OSBPL9: variants seen among roughly 807,000 people sequenced by gnomAD.
OSBPL9 encodes the protein oxysterol binding protein like 9.
Under a neutral mutation model 106.6 loss-of-function variants are expected in OSBPL9, and 40 were observed. That is an observed-to-expected ratio of 0.38 (90% confidence interval 0.29 to 0.49). The LOEUF (loss-of-function observed/expected upper bound fraction) is 0.49. Among genes scored for constraint, OSBPL9 ranks in the 20% least tolerant of loss-of-function variants. OSBPL9 has a pLI of 0.97. For missense variants in OSBPL9, 609 were observed against 887.2 expected, an observed-to-expected ratio of 0.69 and a Z score of 3.98; for synonymous variants, 269 against 295.4, an observed-to-expected ratio of 0.91 and a Z score of 0.92.
At chr1:51,764,120 C>T (rs1672083754) in intron 11 of OSBPL9, among the ~76,000 whole-genome samples, 1 of 152,114 alleles carries the variant, frequency 6.6e-6, no homozygotes, top group African/African-American at 2.4e-5. Flanking sequence ...CTCCACTTTT[C>T]TTTCCCTTAC....
intron 1 of OSBPL9, among the ~76,000 whole-genome samples, chr1:51,640,854 G>C (rs1645745910): frequency 6.6e-6 from 1 of 151,224 alleles, no homozygotes; most frequent in Non-Finnish European, 1.5e-5. Context: ...CTGGAGTGCA[G>C]TGCATTGTAA....
Position 51,784,501 on chromosome 1 carries a change from A to G in OSBPL9, c.1748A>G (p.Lys583Arg), listed in dbSNP as rs1301882524. The part of the protein sequence containing the change: ...LGGECNINCS[K>R]TGYSANIIFH... ...GGAGAATGCAATATTAATTGTTCCA[A>G]AACAGGCTATAGTGCAAATATCATC... The change falls in exon 20 of 24, where the codon AAA (lysine) becomes AGA (arginine). Residue 583 changes from lysine to arginine, a missense_variant. Physicochemically the swap from Lys to Arg is conservative, Grantham distance 26 (BLOSUM62 2). This residue lies in a region of OSBPL9 where 19 missense variants were observed against 60.9 expected (regional missense o/e 0.31). Transcript: ENST00000428468. The G allele has an allele frequency of 6.2e-7, 1 of 1,613,828 alleles. No homozygotes were observed. The highest frequency in any genetic ancestry group is 2.2e-5 in the East Asian group (1 of 44,878).
chr1:51,767,243 A>G (rs1672752372), intron 12 of OSBPL9, among the ~76,000 whole-genome samples: 1 of 151,088 alleles, frequency 6.6e-6, no homozygotes, highest in Non-Finnish European at 1.5e-5. Flanking sequence ...AAATACAAAA[A>G]TTAGCTGAGT....
At chr1:51,662,741 A>ATTT (rs758385465) in intron 2 of OSBPL9, among the ~76,000 whole-genome samples, 6 of 143,310 alleles carry the variant, frequency 4.2e-5, no homozygotes, top group African/African-American at 1.4e-4. Context: ...AAAATCAACG[A>ATTT]ATTTTTTTTT....
chr1:51,593,676 C>T (rs559931573), intron 1 of OSBPL9, among the ~76,000 whole-genome samples: 12 of 152,270 alleles, frequency 7.9e-5, no homozygotes, highest in Admixed American at 4.6e-4. Flanking sequence ...TCCCACCTTC[C>T]TCTGTAGCAC....
chr1:51,708,639 T>C (rs1208935187), intron 3 of OSBPL9, among the ~76,000 whole-genome samples: 1 of 152,212 alleles, frequency 6.6e-6, no homozygotes, highest in African/African-American at 2.4e-5. Context: ...CATTTAATTA[T>C]TGATTTTTTA....
intron 3 of OSBPL9, among the ~76,000 whole-genome samples, chr1:51,712,410 G>T (rs1426435666): frequency 6.6e-6 from 1 of 151,952 alleles, no homozygotes; most frequent in Admixed American, 6.6e-5. Context: ...GGGAGACCGT[G>T]GGGAGAGGGA....
At chr1:51,774,162 T>G (rs972694959) in intron 14 of OSBPL9, among the ~76,000 whole-genome samples, 2 of 152,142 alleles carry the variant, frequency 1.3e-5, no homozygotes, top group African/African-American at 2.4e-5. Flanking sequence ...AGCCCACAGC[T>G]GAACCTGAAC....
chr1:51,710,567 C>T (rs534987261), intron 3 of OSBPL9, among the ~76,000 whole-genome samples: 60 of 152,222 alleles, frequency 3.9e-4, no homozygotes, highest in African/African-American at 1.4e-3. Flanking sequence ...GAGCATCTGC[C>T]GATAGCAGAT....
intron 4 of OSBPL9, among the ~76,000 whole-genome samples, chr1:51,735,347 C>T (rs1042912489): frequency 6.6e-6 from 1 of 152,202 alleles, no homozygotes; most frequent in African/African-American, 2.4e-5. Context: ...GCCCTACTCT[C>T]ACTTCTGTGG....
upstream of OSBPL9, among the ~76,000 whole-genome samples, chr1:51,575,316 T>C (rs1645176636): frequency 6.6e-6 from 1 of 151,976 alleles, no homozygotes; most frequent in African/African-American, 2.4e-5. Flanking sequence ...TTCTCCTGCC[T>C]TAGACTCCTG....
chr1:51,641,570 C>G (rs915085969), intron 1 of OSBPL9, among the ~76,000 whole-genome samples: 2 of 152,080 alleles, frequency 1.3e-5, no homozygotes, highest in African/African-American at 4.8e-5. Flanking sequence ...ATTTCTTACC[C>G]TGGGAAAATA....
At chr1:51,762,494 TTTTG>T (rs773697438) in intron 11 of OSBPL9, among the ~76,000 whole-genome samples, 17 of 152,022 alleles carry the variant, frequency 1.1e-4, no homozygotes, top group South Asian at 2.1e-4. Context: ...TATTACAGAG[TTTTG>T]TTTGTTTGTT....
At chr1:51,631,558 A>G (rs897830976) in intron 1 of OSBPL9, among the ~76,000 whole-genome samples, 1 of 151,908 alleles carries the variant, frequency 6.6e-6, no homozygotes, top group Non-Finnish European at 1.5e-5. Context: ...AAAAAAAAAG[A>G]CCAACCTTAG....
At chr1:51,530,040 G>A in the OSBPL9 span, among the ~76,000 whole-genome samples, 2 of 151,112 alleles carry the variant, frequency 1.3e-5, no homozygotes, top group Admixed American at 6.6e-5. Flanking sequence ...GTGTGGTGGC[G>A]GGCGCCTGTA....
At chr1:51,614,395 C>T (rs989897207), upstream of OSBPL9, 3 of 152,346 alleles carry the variant, frequency 2.0e-5, no homozygotes, top group Middle Eastern at 3.4e-3. Flanking sequence ...CTCAAGCAAT[C>T]CTCCTGCCTC....
At chr1:51,578,034 A>G (rs1285153446) in intron 1 of OSBPL9, among the ~76,000 whole-genome samples, 2 of 152,216 alleles carry the variant, frequency 1.3e-5, no homozygotes, top group Non-Finnish European at 2.9e-5. Context: ...TAATTTGAGT[A>G]ATGTCTGTCT....
At chr1:51,776,371 G>A (rs1675076456) in intron 14 of OSBPL9, among the ~76,000 whole-genome samples, 2 of 152,126 alleles carry the variant, frequency 1.3e-5, no homozygotes, top group Admixed American at 6.6e-5. Flanking sequence ...CATTAATAAT[G>A]GGACAATTAA....
chr1:51,707,353 G>A (rs567581839), intron 3 of OSBPL9: 88 of 180,796 alleles, frequency 4.9e-4, no homozygotes, highest in African/African-American at 2.0e-3. Context: ...GCCCTCTGGT[G>A]CCTGCTTCAA....
Sources: gnomAD v4.1 joint callset for allele counts (sites outside exome capture counted in the v4.1 genomes callset) on GRCh38, gnomAD v4.1.1 for gene constraint, gnomAD v4.1.1 regional missense constraint, MANE v1.5 for transcripts, NCBI Gene and HGNC (gene_info 2026-07-23, HGNC 2026-07-21) for gene names.